Variants in KCNMA1 observed in about 807,000 individuals in gnomAD.
KCNMA1 encodes the protein potassium calcium-activated channel subfamily M alpha 1.
KCNMA1 carries 29 observed loss-of-function variants against 140.0 expected under a neutral mutation model. That is an observed-to-expected ratio of 0.21 (90% CI 0.15 to 0.28). The LOEUF (loss-of-function observed/expected upper bound fraction) is 0.28, where lower values mean the gene tolerates loss of function less well. Among genes scored for constraint, KCNMA1 ranks in the 10% least tolerant of loss-of-function variants. The pLI, the probability that KCNMA1 is intolerant of heterozygous loss-of-function variation, is 1.00. For missense variants in KCNMA1, 880 were observed against 1,602.2 expected (o/e 0.55, Z 7.70); for synonymous variants, 612 against 611.9 (o/e 1.00, Z 0.00).
intron 3 of KCNMA1, among the ~76,000 whole-genome samples, chr10:77,185,435 G>A (rs12261491): frequency 2.5e-4 from 38 of 152,134 alleles, no homozygotes; most frequent in African/African-American, 8.0e-4. Context: ...CAGGACCCAG[G>A]AGCATCTCAA....
In KCNMA1 at chr10:77,546,155, C is replaced by G. The variant is rs74797466; in HGVS notation, c.378+91110G>C. Among the ~76,000 whole-genome samples, 1,025 of 152,336 alleles carry G rather than the reference C, an allele frequency of 6.7e-3. 5 individuals carry two copies. The highest frequency in any genetic ancestry group is 0.01 in the Non-Finnish European group (705 of 68,024). On this transcript the variant is annotated intron_variant, in intron 1 of 27. Coordinates refer to ENST00000286628, the MANE Select transcript of KCNMA1 (RefSeq NM_001161352.2). ...TAAAATTACATTTTCTCACTCCCTT[C>G]TCATTTGGAGGAAAGTCTGTGTGGG...
chr10:77,182,310 G>A (rs1490430722), intron 5 of KCNMA1, among the ~76,000 whole-genome samples: 5 of 152,268 alleles, frequency 3.3e-5, no homozygotes, highest in Admixed American at 2.0e-4. Flanking sequence ...AATATACTGC[G>A]ATACAAACAA....
At chr10:77,592,879 G>T (rs2079647380) in intron 1 of KCNMA1, among the ~76,000 whole-genome samples, 1 of 152,168 alleles carries the variant, frequency 6.6e-6, no homozygotes, top group Non-Finnish European at 1.5e-5. Context: ...CCCCTGGAGT[G>T]GACAGTAAGA....
intron 1 of KCNMA1, among the ~76,000 whole-genome samples, chr10:77,502,285 T>A (rs2044205215): frequency 6.6e-6 from 1 of 152,132 alleles, no homozygotes; most frequent in African/African-American, 2.4e-5. Flanking sequence ...CATGGAGAAA[T>A]ACACCTCTTG....
chr10:77,045,760 T>C lies in KCNMA1; in HGVS notation c.1750-6123A>G, dbSNP rs556544884. ...TGTTTCTCTAATGCTAACAGCCCAG[T>C]GAATGTGAAAAATTCAACTCTCCTG... On this transcript the variant is annotated intron_variant, in intron 14 of 27. Coordinates refer to ENST00000286628, the MANE Select transcript of KCNMA1 (RefSeq NM_001161352.2). Among the ~76,000 whole-genome samples, 11 of 152,356 alleles carry C rather than the reference T, an allele frequency of 7.2e-5. No individual in the cohort carries two copies. The East Asian group carries it at 1.9e-3, about 27-fold the overall frequency.
chr10:77,269,738 A>G (rs2064456514), intron 2 of KCNMA1, among the ~76,000 whole-genome samples: 1 of 152,204 alleles, frequency 6.6e-6, no homozygotes. Context: ...CCTGGGACTC[A>G]GGTCTCTGCA....
At chr10:77,290,172 A>G (rs1415239097) in intron 2 of KCNMA1, among the ~76,000 whole-genome samples, 1 of 152,204 alleles carries the variant, frequency 6.6e-6, no homozygotes, top group African/African-American at 2.4e-5. Flanking sequence ...ATGATTACCT[A>G]AAAAATAAAA....
Position 76,914,101 on chromosome 10 carries a change from T to A in KCNMA1, c.3016+835A>T. On this transcript the variant is annotated intron_variant, in intron 24 of 27. Coordinates refer to ENST00000286628, the MANE Select transcript of KCNMA1 (RefSeq NM_001161352.2). ...AATGTGCGTCCCACTGTTTTTTTCCTGATTGACTGATACCAAAGGCAACTT... is the reference window on the plus strand; with the variant it reads ...AATGTGCGTCCCACTGTTTTTTTCCAGATTGACTGATACCAAAGGCAACTT... 2 of 1,550,516 alleles carry A rather than the reference T, an allele frequency of 1.3e-6. No homozygotes were observed. The highest frequency in any genetic ancestry group is 8.7e-7 in the Non-Finnish European group (1 of 1,146,916).
At chr10:77,177,921 T>G (rs980288736) in intron 5 of KCNMA1, among the ~76,000 whole-genome samples, 1 of 152,266 alleles carries the variant, frequency 6.6e-6, no homozygotes, top group African/African-American at 2.4e-5. Flanking sequence ...AACAATGTTT[T>G]GTCCTTTTGT....
chr10:77,523,564 G>A (rs746428911), intron 1 of KCNMA1, among the ~76,000 whole-genome samples: 13 of 152,240 alleles, frequency 8.5e-5, no homozygotes, highest in South Asian at 6.2e-4. Context: ...TACTGAAAGA[G>A]CACGCAAGTG....
intron 1 of KCNMA1, among the ~76,000 whole-genome samples, chr10:77,419,924 C>G (rs2096831910): frequency 6.6e-6 from 1 of 152,182 alleles, no homozygotes. Flanking sequence ...GCAATCACAA[C>G]AAGTCATAGG....
intron 1 of KCNMA1, among the ~76,000 whole-genome samples, chr10:77,490,877 C>A (rs899121155): frequency 1.3e-5 from 2 of 152,194 alleles, no homozygotes; most frequent in African/African-American, 2.4e-5. Context: ...GTACAGACAA[C>A]ACACTGGCTT....
At position 77,461,109 on chromosome 10, in the gene KCNMA1, GA is replaced by G. The variant is rs1207171790; in HGVS notation, c.379-57087del. On this transcript the variant is annotated intron_variant, in intron 1 of 27. Transcript: ENST00000286628. The stretch of plus-strand genomic sequence containing the variant: ...TAACAAGAGTGAAACTCTGTCTCAA[GA>G]AAAAAAAAAATTACCTATTGGATAC... Among the ~76,000 whole-genome samples the G allele has an allele frequency of 3.4e-3, 490 of 144,966 alleles. 24 individuals are homozygous for G. Among genetic ancestry groups the G allele is most frequent in the Middle Eastern group, 3.6e-3 (1 of 274 alleles).
intron 1 of KCNMA1, among the ~76,000 whole-genome samples, chr10:77,623,869 T>C (rs1056202557): frequency 6.6e-6 from 1 of 152,168 alleles, no homozygotes; most frequent in African/African-American, 2.4e-5. Context: ...CTCTGTGGAT[T>C]TGTGAAGTGT....
At chr10:77,123,883 C>T (rs1419625326) in intron 5 of KCNMA1, among the ~76,000 whole-genome samples, 1 of 152,158 alleles carries the variant, frequency 6.6e-6, no homozygotes, top group Non-Finnish European at 1.5e-5. Flanking sequence ...CATCGGTCTG[C>T]CCACTGAAGT....
rs542875721 is a variant in KCNMA1 at position 77,454,772 on chromosome 10, T to C, written c.379-50749A>G. Among the ~76,000 whole-genome samples, 4 of 152,352 alleles carry C rather than the reference T, an allele frequency of 2.6e-5. No individual in the cohort carries two copies. In the South Asian group the frequency reaches 8.3e-4, roughly 32 times the overall value. On this transcript the variant is annotated intron_variant, in intron 1 of 27. Coordinates refer to ENST00000286628, the MANE Select transcript of KCNMA1 (RefSeq NM_001161352.2). Reference sequence around the variant, plus strand: ...TCATGGTTGCAGCCTTCCATCACTCTTGGGCTATATTCTCTCTTAAGGTCT... The same window carrying C: ...TCATGGTTGCAGCCTTCCATCACTCCTGGGCTATATTCTCTCTTAAGGTCT...
intron 5 of KCNMA1, among the ~76,000 whole-genome samples, chr10:77,131,014 G>A (rs2097847926): frequency 6.6e-6 from 1 of 152,104 alleles, no homozygotes; most frequent in African/African-American, 2.4e-5. Context: ...CCATCCAAAA[G>A]GTGAAATGAA....
In KCNMA1 at chr10:77,384,107, G is replaced by A. The variant is rs1029958861; in HGVS notation, c.540+19755C>T. Among the ~76,000 whole-genome samples the A allele has an allele frequency of 2.6e-5, 4 of 152,304 alleles. No individual in the cohort carries two copies. The East Asian group carries it at 7.7e-4, about 29-fold the overall frequency. On this transcript the variant is annotated intron_variant, in intron 2 of 27. Coordinates refer to ENST00000286628, the MANE Select transcript of KCNMA1 (RefSeq NM_001161352.2). ...CTAGATCAGCCTCTCTAACCCCCGCGGAGATCACTGGCATCACGCTGATGG... is the reference window on the plus strand; with the variant it reads ...CTAGATCAGCCTCTCTAACCCCCGCAGAGATCACTGGCATCACGCTGATGG...
chr10:77,156,903 C>T (rs192689214), intron 5 of KCNMA1, among the ~76,000 whole-genome samples: 5 of 152,312 alleles, frequency 3.3e-5, no homozygotes, highest in Admixed American at 2.0e-4. Context: ...AAGCAATCAA[C>T]ATTCCCTGTT....
Sources: gnomAD v4.1 joint callset for allele counts (sites outside exome capture counted in the v4.1 genomes callset) on GRCh38, gnomAD v4.1.1 for gene constraint, MANE v1.5 for transcripts, NCBI Gene and HGNC (gene_info 2026-07-23, HGNC 2026-07-21) for gene names.